The following NFATC2 variants were observed in gnomAD, a reference collection of about 807,000 sequenced individuals.
NFATC2 encodes the protein nuclear factor of activated T-cells, cytoplasmic 2.
In NFATC2, 22 loss-of-function variants were observed where a neutral mutation model predicts 87.3. The observed-to-expected ratio is 0.25, with a 90% CI of 0.18 to 0.36. The LOEUF (loss-of-function observed/expected upper bound fraction) is 0.36. Ranked by LOEUF, NFATC2 falls within the 10% of genes least tolerant of loss-of-function variation. The pLI, the probability that NFATC2 is intolerant of heterozygous loss-of-function variation, is 1.00. For synonymous variants in NFATC2, 565 were observed against 542.2 expected, an observed-to-expected ratio of 1.04 and a Z score of -0.58; for missense variants, 1,149 against 1,259.1, an observed-to-expected ratio of 0.91 and a Z score of 1.32.
intron 1 of NFATC2, among the ~76,000 whole-genome samples, chr20:51,540,866 TA>T (rs2076805977): frequency 1.3e-5 from 2 of 151,846 alleles, no homozygotes; most frequent in South Asian, 4.1e-4. Flanking sequence ...GGGGTGTGAG[TA>T]TTCGTTCCCT....
upstream of NFATC2, among the ~76,000 whole-genome samples, chr20:51,544,240 G>T: frequency 6.6e-6 from 1 of 151,966 alleles, no homozygotes; most frequent in East Asian, 1.9e-4. Context: ...ACCCGCCTCG[G>T]CCTCCCCAAG....
In NFATC2 at chr20:51,512,945, G is replaced by C. The variant is rs144869503; in HGVS notation, c.1332+3839C>G. Among the ~76,000 whole-genome samples the C allele has an allele frequency of 8.4e-3, 1,277 of 152,310 alleles. 18 individuals are homozygous for C. The highest frequency in any genetic ancestry group is 0.029 in the African/African-American group (1,214 of 41,564). ...AGGGGCAGTGCTGCAGATTCCAGAA[G>C]GAGTTTTCACACTCCCTTGAAGGGT... On this transcript the variant is annotated intron_variant, in intron 3 of 10. Coordinates refer to ENST00000371564, the MANE Select transcript of NFATC2 (RefSeq NM_012340.5).
At chr20:51,518,369 GT>G (rs1459004255) in intron 2 of NFATC2, among the ~76,000 whole-genome samples, 1 of 152,146 alleles carries the variant, frequency 6.6e-6, no homozygotes, top group Non-Finnish European at 1.5e-5. Context: ...CCAATTCTAT[GT>G]CTTCTCTATC....
intron 9 of NFATC2, among the ~76,000 whole-genome samples, chr20:51,401,321 G>A (rs546254014): frequency 1.3e-3 from 194 of 151,638 alleles, no homozygotes; most frequent in Admixed American, 1.2e-3. Context: ...CTAGGCAACA[G>A]AGCAAGACTG....
chr20:51,505,226 C>G (rs1208517588), intron 3 of NFATC2, among the ~76,000 whole-genome samples: 2 of 151,288 alleles, frequency 1.3e-5, no homozygotes, highest in Admixed American at 1.3e-4. Context: ...CTGTGTTAGC[C>G]AGGATGGTCT....
chr20:51,473,129 C>G (rs1327277618), intron 5 of NFATC2, among the ~76,000 whole-genome samples: 2 of 152,170 alleles, frequency 1.3e-5, no homozygotes, highest in East Asian at 1.9e-4. Flanking sequence ...TGCTCAGTGT[C>G]CTTCCAAATG....
upstream of NFATC2, among the ~76,000 whole-genome samples, chr20:51,544,154 CT>C (rs2076868471): frequency 6.6e-6 from 1 of 151,426 alleles, no homozygotes; most frequent in African/African-American, 2.4e-5. Context: ...TGCCTGGCTA[CT>C]TTTTTGTATT....
At chr20:51,411,127 T>G (rs781295435) in intron 9 of NFATC2, among the ~76,000 whole-genome samples, 1 of 152,324 alleles carries the variant, frequency 6.6e-6, no homozygotes, top group South Asian at 2.1e-4. Context: ...GTAAGTGTTA[T>G]AATGATTACT....
At chr20:51,547,556 C>A (rs2076899265), upstream of NFATC2, among the ~76,000 whole-genome samples, 1 of 152,158 alleles carries the variant, frequency 6.6e-6, no homozygotes, top group African/African-American at 2.4e-5. Context: ...TTTTTATCTA[C>A]AACCTGGGCC....
At chr20:51,504,999 CTTTTTTTTTTTTTTTTT>C (rs34489487) in intron 3 of NFATC2, among the ~76,000 whole-genome samples, 35 of 72,504 alleles carry the variant, frequency 4.8e-4, no homozygotes, top group Middle Eastern at 0.015. Context: ...TATCTAGTTC[CTTTTTTTTTTTTTTTTT>C]TTTTTTTTTT....
At chr20:51,446,056 G>C (rs915212468) in intron 6 of NFATC2, among the ~76,000 whole-genome samples, 4 of 152,300 alleles carry the variant, frequency 2.6e-5, no homozygotes, top group African/African-American at 7.2e-5. Flanking sequence ...GATGAACTCT[G>C]TCACCTCAAA....
At position 51,412,720 on chromosome 20, in the gene NFATC2, G is replaced by A. The variant is rs566713401; in HGVS notation, c.2723-13990C>T. On this transcript the variant is annotated intron_variant, in intron 9 of 10. Transcript: ENST00000371564. ...CCACCTCATACTCTCTGCCAGCTGG[G>A]TCCACGGGGATGCTATCTTCGGGAG... Among the ~76,000 whole-genome samples, 17 of 152,114 alleles carry A rather than the reference G, an allele frequency of 1.1e-4. No individual in the cohort carries two copies. In the South Asian group the frequency reaches 2.5e-3, roughly 22 times the overall value.
chr20:51,446,131 A>C (rs548499609), intron 6 of NFATC2, among the ~76,000 whole-genome samples: 61 of 152,344 alleles, frequency 4.0e-4, no homozygotes, highest in Non-Finnish European at 5.7e-4. Context: ...GGGAGGAAGC[A>C]GACCATGAGT....
At chr20:51,557,342 G>C (rs943649704) in intron 1 of NFATC2, among the ~76,000 whole-genome samples, 1 of 152,132 alleles carries the variant, frequency 6.6e-6, no homozygotes, top group Non-Finnish European at 1.5e-5. Context: ...TCCACCACTC[G>C]CTAGGGCTGC....
At chr20:51,425,546 G>A (rs1178310795) in intron 9 of NFATC2, among the ~76,000 whole-genome samples, 2 of 152,220 alleles carry the variant, frequency 1.3e-5, no homozygotes, top group African/African-American at 2.4e-5. Context: ...CGGGGTCATC[G>A]TGGCTGCCGG....
chr20:51,479,111 G>A (rs1453406040), intron 3 of NFATC2, among the ~76,000 whole-genome samples: 1 of 149,562 alleles, frequency 6.7e-6, no homozygotes, highest in Non-Finnish European at 1.5e-5. Flanking sequence ...TATAGATCAG[G>A]GCTTTTTTTT....
intron 5 of NFATC2, among the ~76,000 whole-genome samples, chr20:51,466,195 G>A (rs1378042241): frequency 1.3e-5 from 2 of 152,162 alleles, no homozygotes; most frequent in African/African-American, 4.8e-5. Context: ...TGGGGTTACA[G>A]GTGTGCACCA....
chr20:51,430,320 T>A (rs899508409), intron 9 of NFATC2, among the ~76,000 whole-genome samples: 1 of 152,216 alleles, frequency 6.6e-6, no homozygotes, highest in African/African-American at 2.4e-5. Context: ...GTTACGACCA[T>A]GCTTCATTGA....
chr20:51,457,930 G>A (rs1346585859), intron 5 of NFATC2, among the ~76,000 whole-genome samples: 1 of 150,538 alleles, frequency 6.6e-6, no homozygotes, highest in Non-Finnish European at 1.5e-5. Flanking sequence ...CTGTCACCCA[G>A]GCAGGAGTAC....
Sources: gnomAD v4.1 joint callset for allele counts (sites outside exome capture counted in the v4.1 genomes callset) on GRCh38, gnomAD v4.1.1 for gene constraint, MANE v1.5 for transcripts, NCBI Gene and HGNC (gene_info 2026-07-23, HGNC 2026-07-21) for gene names.